The following MALRD1 variants were observed in gnomAD, a reference collection of about 807,000 sequenced individuals.
MALRD1 encodes MAM and LDL-receptor class A domain-containing protein 1.
Under a neutral mutation model 242.1 loss-of-function variants are expected in MALRD1, and 247 were observed. The ratio of observed to expected loss-of-function variants is 1.02; its 90% CI spans 0.92 to 1.13. MALRD1 has a LOEUF of 1.13. Ranked by LOEUF, MALRD1 falls within the 50% of genes most tolerant of loss-of-function variation. The pLI is 0.00. For missense variants in MALRD1, 2,989 were observed against 2,533.1 expected, an observed-to-expected ratio of 1.18 and a Z score of -3.86; for synonymous variants, 995 against 866.6, an observed-to-expected ratio of 1.15 and a Z score of -2.60.
intron 24 of MALRD1, among the ~76,000 whole-genome samples, chr10:19,345,525 T>C (rs889550314): frequency 1.2e-4 from 18 of 152,108 alleles, no homozygotes; most frequent in African/African-American, 4.3e-4. Context: ...TATTCTATAC[T>C]ACAAGAGGTT....
intron 1 of MALRD1, among the ~76,000 whole-genome samples, chr10:19,054,653 G>C (rs116029775): frequency 1.3e-3 from 201 of 152,172 alleles, no homozygotes; most frequent in African/African-American, 4.4e-3. Context: ...GAGATTGTGT[G>C]GTATTTGTCT....
At chr10:19,440,035 C>T (rs1284841435) in intron 28 of MALRD1, among the ~76,000 whole-genome samples, 3 of 152,200 alleles carry the variant, frequency 2.0e-5, no homozygotes, top group African/African-American at 4.8e-5. Flanking sequence ...GGGGCGTACT[C>T]ATCACACTTT....
intron 9 of MALRD1, among the ~76,000 whole-genome samples, chr10:19,135,437 G>A (rs7895500): frequency 0.016 from 2,374 of 152,136 alleles, 61 homozygotes; most frequent in African/African-American, 0.054. Flanking sequence ...TACAGGTGTG[G>A]GTCACTGCAC....
chr10:19,662,550 T>G (rs554577339), intron 36 of MALRD1, among the ~76,000 whole-genome samples: 45 of 152,326 alleles, frequency 3.0e-4, no homozygotes, highest in African/African-American at 1.0e-3. Flanking sequence ...GTAGCATTTC[T>G]AAGATGTAAA....
At chr10:19,430,112 T>A (rs865884044) in intron 28 of MALRD1, among the ~76,000 whole-genome samples, 1 of 23,288 alleles carries the variant, frequency 4.3e-5, no homozygotes, top group Non-Finnish European at 8.5e-5. Context: ...TCCATTTTCC[T>A]TTTTTTTTTT....
rs1258161432 is a variant in MALRD1 at position 19,695,053 on chromosome 10, C to T, written c.6314+2499C>T. Among the ~76,000 whole-genome samples, 3 of 152,074 alleles carry T rather than the reference C, an allele frequency of 2.0e-5. No individual in the cohort carries two copies. The East Asian group carries it at 5.8e-4, about 29-fold the overall frequency. ...CACTTGGACAGAGGAAGGGTGACAT[C>T]ACACACCGGGGCCTGTCATGGGGTG... On this transcript the variant is annotated intron_variant, in intron 38 of 39. Coordinates refer to ENST00000454679, the MANE Select transcript of MALRD1 (RefSeq NM_001142308.3).
intron 21 of MALRD1, among the ~76,000 whole-genome samples, chr10:19,304,572 A>G (rs762468092): frequency 2.6e-5 from 4 of 151,798 alleles, no homozygotes; most frequent in East Asian, 3.9e-4. Context: ...AAATTTATCA[A>G]TGTCAACAAA....
chr10:19,704,588 T>C (rs1402645163), intron 38 of MALRD1, among the ~76,000 whole-genome samples: 1 of 152,148 alleles, frequency 6.6e-6, no homozygotes, highest in African/African-American at 2.4e-5. Flanking sequence ...AAGTATGCAA[T>C]AGTAGAAAGA....
intron 5 of MALRD1, among the ~76,000 whole-genome samples, chr10:19,106,376 A>T (rs1398067019): frequency 6.6e-6 from 1 of 151,582 alleles, no homozygotes; most frequent in Non-Finnish European, 1.5e-5. Context: ...CTTCAACTTT[A>T]GTAGGTTTTA....
At chr10:19,251,593 A>G (rs1839294657) in intron 18 of MALRD1, among the ~76,000 whole-genome samples, 1 of 151,980 alleles carries the variant, frequency 6.6e-6, no homozygotes, top group African/African-American at 2.4e-5. Flanking sequence ...TATATGAAAT[A>G]GTGGCAAATT....
intron 18 of MALRD1, among the ~76,000 whole-genome samples, chr10:19,237,809 A>C (rs1417007695): frequency 8.2e-6 from 1 of 121,434 alleles, no homozygotes; most frequent in Non-Finnish European, 1.6e-5. Flanking sequence ...AATTATAATT[A>C]TATAGAATTT....
At position 19,596,373 on chromosome 10, in the gene MALRD1, C is replaced by T. The variant is rs557190990; in HGVS notation, c.5944+916C>T. 5.9e-5 allele frequency among the ~76,000 whole-genome samples: 9 copies of T among 152,132 alleles called. No individual in the cohort carries two copies. In the East Asian group the frequency reaches 1.7e-3, roughly 29 times the overall value. On this transcript the variant is annotated intron_variant, in intron 34 of 39. Coordinates refer to ENST00000454679, the MANE Select transcript of MALRD1 (RefSeq NM_001142308.3). The stretch of plus-strand genomic sequence containing the variant: ...TGCAGTGATAGTATTCCATAAACTA[C>T]ATGTTAATGACTATACTTTTTGGTA...
At chr10:19,108,761 A>G (rs1836568357) in intron 5 of MALRD1, among the ~76,000 whole-genome samples, 1 of 152,038 alleles carries the variant, frequency 6.6e-6, no homozygotes, top group African/African-American at 2.4e-5. Context: ...CTTTTATCTC[A>G]TTGAGTTACC....
At chr10:19,622,024 G>A (rs569432381) in intron 36 of MALRD1, among the ~76,000 whole-genome samples, 2 of 151,800 alleles carry the variant, frequency 1.3e-5, no homozygotes, top group Admixed American at 1.3e-4. Flanking sequence ...TTTAAGTATG[G>A]TAAAGTCTAT....
At chr10:19,198,528 G>A (rs1836367302) in intron 14 of MALRD1, among the ~76,000 whole-genome samples, 1 of 152,156 alleles carries the variant, frequency 6.6e-6, no homozygotes, top group South Asian at 2.1e-4. Context: ...TGTAGAGGGA[G>A]TCACTATCTG....
At chr10:19,608,717 A>C (rs1232137743) in intron 35 of MALRD1, among the ~76,000 whole-genome samples, 1 of 152,114 alleles carries the variant, frequency 6.6e-6, no homozygotes, top group Non-Finnish European at 1.5e-5. Flanking sequence ...ATATGTTGTA[A>C]GAATGATAAT....
At chr10:19,564,142 G>C (rs775900362) in intron 32 of MALRD1, among the ~76,000 whole-genome samples, 1 of 152,154 alleles carries the variant, frequency 6.6e-6, no homozygotes, top group Non-Finnish European at 1.5e-5. Flanking sequence ...TTATAGAAAT[G>C]CATGCATGGC....
At chr10:19,136,161 A>G (rs761232712) in intron 9 of MALRD1, among the ~76,000 whole-genome samples, 2 of 151,344 alleles carry the variant, frequency 1.3e-5, no homozygotes, top group Admixed American at 6.6e-5. Flanking sequence ...CTCTTGTTCT[A>G]TAAGTAATGA....
chr10:19,192,424 T>G (rs534317729), intron 14 of MALRD1, among the ~76,000 whole-genome samples: 8 of 152,280 alleles, frequency 5.3e-5, no homozygotes, highest in Admixed American at 2.0e-4. Context: ...ACTGCTGGTT[T>G]AAAGATGTAA....
Sources: allele counts gnomAD v4.1 joint callset (sites outside exome capture counted in the v4.1 genomes callset), GRCh38; gene constraint gnomAD v4.1.1; transcripts MANE v1.5; gene names NCBI Gene and HGNC (gene_info 2026-07-23, HGNC 2026-07-21).